THSD7A: variants seen among roughly 807,000 people sequenced by gnomAD.
THSD7A encodes the protein thrombospondin type 1 domain containing 7A.
THSD7A carries 96 observed loss-of-function variants against 231.3 expected under a neutral mutation model. The observed-to-expected ratio is 0.41, with a 90% CI of 0.35 to 0.49. The LOEUF (loss-of-function observed/expected upper bound fraction) is 0.49, where lower values mean the gene tolerates loss of function less well. Ranked by LOEUF, THSD7A falls within the 20% of genes least tolerant of loss-of-function variation. THSD7A has a pLI of 0.05. For missense variants in THSD7A, 2,290 were observed against 2,070.2 expected (o/e 1.11, Z -2.06); for synonymous variants, 940 against 743.3 (o/e 1.26, Z -4.30).
chr7:11,668,412 C>A (rs1212989721), intron 1 of THSD7A, among the ~76,000 whole-genome samples: 2 of 146,342 alleles, frequency 1.4e-5, no homozygotes, highest in Non-Finnish European at 3.0e-5. Flanking sequence ...GAGTGAAACT[C>A]CATCTCAAAA....
intron 1 of THSD7A, among the ~76,000 whole-genome samples, chr7:11,642,064 C>T (rs1380352015): frequency 6.6e-6 from 1 of 152,142 alleles, no homozygotes; most frequent in Non-Finnish European, 1.5e-5. Flanking sequence ...AATTAACTAC[C>T]ATGTTTCAAG....
chr7:11,724,132 T>C (rs972920681), intron 1 of THSD7A, among the ~76,000 whole-genome samples: 4 of 151,968 alleles, frequency 2.6e-5, no homozygotes, highest in Non-Finnish European at 5.9e-5. Context: ...AAAGAATATA[T>C]GTGGGATATT....
intron 4 of THSD7A, among the ~76,000 whole-genome samples, chr7:11,583,810 T>A (rs7785852): frequency 0.25 from 38,742 of 152,020 alleles, 5,079 homozygotes; most frequent in Non-Finnish European, 0.27. Flanking sequence ...TGATATAATT[T>A]CTTATATTAA....
intron 1 of THSD7A, among the ~76,000 whole-genome samples, chr7:11,700,846 C>A (rs1780573374): frequency 6.7e-6 from 1 of 149,020 alleles, no homozygotes; most frequent in South Asian, 2.1e-4. Flanking sequence ...CATGTAATTC[C>A]AGCTTCATAA....
chr7:11,809,321 G>T (rs766145849), intron 1 of THSD7A, among the ~76,000 whole-genome samples: 2 of 152,198 alleles, frequency 1.3e-5, no homozygotes, highest in Non-Finnish European at 2.9e-5. Context: ...GATCACAAGA[G>T]CTTCATAGAG....
chr7:11,816,794 C>A (rs7786342), intron 1 of THSD7A, among the ~76,000 whole-genome samples: 66,040 of 151,848 alleles, frequency 0.43, 15,476 homozygotes, highest in African/African-American at 0.61. Flanking sequence ...CCACATAAAA[C>A]CATATTTTAG....
In THSD7A at chr7:11,543,224, C is replaced by G. The variant is rs1297609101; in HGVS notation, c.1454-107G>C. 9.7e-6 allele frequency: 9 copies of G among 928,718 alleles called. No homozygotes were observed. The East Asian group carries it at 2.3e-4, about 24-fold the overall frequency. The allele number at this position is 928,718 out of a possible 1,614,324, so 57.5% of individuals were successfully genotyped here. ...GAAAAGGAAAATCCTTAAAGAAGTGCTACCAAGACATTATTCCAATGCTTC... is the reference window on the plus strand; with the variant it reads ...GAAAAGGAAAATCCTTAAAGAAGTGGTACCAAGACATTATTCCAATGCTTC... On this transcript the variant is annotated intron_variant, in intron 4 of 27. Transcript: ENST00000423059.
intron 1 of THSD7A, among the ~76,000 whole-genome samples, chr7:11,667,809 G>GA (rs1490495749): frequency 2.6e-5 from 4 of 151,956 alleles, no homozygotes; most frequent in Admixed American, 1.3e-4. Context: ...AAGGAATCTT[G>GA]AAAAAAATCT....
intron 1 of THSD7A, among the ~76,000 whole-genome samples, chr7:11,804,773 G>T (rs539411047): frequency 6.6e-6 from 1 of 152,048 alleles, no homozygotes; most frequent in Non-Finnish European, 1.5e-5. Flanking sequence ...CACTTCCATT[G>T]TTTGCTTAAT....
rs1376282904 is a variant in THSD7A at position 11,661,939 on chromosome 7, T to C, written c.191-24978A>G. 2.6e-5 allele frequency among the ~76,000 whole-genome samples: 4 copies of C among 151,198 alleles called. No homozygotes were observed. The East Asian group carries it at 7.8e-4, about 29-fold the overall frequency. On this transcript the variant is annotated intron_variant, in intron 1 of 27. Coordinates refer to ENST00000423059, the MANE Select transcript of THSD7A (RefSeq NM_015204.3). ...CTAGGATGTGATAGAATTATTAATT[T>C]TGAGTTGACTGTAAGAAGGAAAGCT...
intron 3 of THSD7A, 105 bp downstream of exon 3, chr7:11,593,149 T>A: frequency 7.0e-7 from 1 of 1,432,978 alleles, no homozygotes; most frequent in South Asian, 1.4e-5. Flanking sequence ...TAAAGATATT[T>A]TTTATGTGTA....
chr7:11,823,711 G>A (rs546994849), intron 1 of THSD7A, among the ~76,000 whole-genome samples: 2 of 151,746 alleles, frequency 1.3e-5, no homozygotes, highest in Non-Finnish European at 2.9e-5. Flanking sequence ...TATTTTTGCC[G>A]CTATTGTAAA....
intron 2 of THSD7A, among the ~76,000 whole-genome samples, chr7:11,607,450 T>C (rs897319597): frequency 3.0e-4 from 45 of 152,152 alleles, no homozygotes; most frequent in African/African-American, 1.1e-3. Context: ...AGATCAGTAA[T>C]GCCCCTTTCT....
At chr7:11,558,630 A>G (rs1042023014) in intron 4 of THSD7A, among the ~76,000 whole-genome samples, 1 of 152,216 alleles carries the variant, frequency 6.6e-6, no homozygotes, top group African/African-American at 2.4e-5. Flanking sequence ...AAATTTCTAA[A>G]GAACTTATGT....
At chr7:11,820,815 G>C (rs1489675946) in intron 1 of THSD7A, 6 of 1,016,162 alleles carry the variant, frequency 5.9e-6, no homozygotes, top group Non-Finnish European at 9.3e-6. Context: ...CTCGCTCTCC[G>C]GTGCTTCTTC....
intron 1 of THSD7A, among the ~76,000 whole-genome samples, chr7:11,673,232 C>T (rs1043125404): frequency 7.2e-5 from 11 of 152,074 alleles, no homozygotes; most frequent in African/African-American, 2.7e-4. Context: ...CTCCAGAACA[C>T]CATATTGCTG....
chr7:11,550,116 C>G (rs1789565933), intron 4 of THSD7A, among the ~76,000 whole-genome samples: 1 of 151,966 alleles, frequency 6.6e-6, no homozygotes, highest in Non-Finnish European at 1.5e-5. Context: ...GGCTCCCAGA[C>G]CTGATAAGAC....
intron 1 of THSD7A, among the ~76,000 whole-genome samples, chr7:11,666,177 C>G (rs181067844): frequency 6.6e-6 from 1 of 151,990 alleles, no homozygotes; most frequent in Admixed American, 6.6e-5. Flanking sequence ...ATATAAAATG[C>G]TTGGAGCCGG....
intron 1 of THSD7A, among the ~76,000 whole-genome samples, chr7:11,793,601 A>G (rs1444210281): frequency 6.6e-6 from 1 of 151,834 alleles, no homozygotes; most frequent in Non-Finnish European, 1.5e-5. Context: ...GAAGAAACAT[A>G]TGGCAAAAAG....
Sources: allele counts gnomAD v4.1 joint callset (sites outside exome capture counted in the v4.1 genomes callset), GRCh38; gene constraint gnomAD v4.1.1; transcripts MANE v1.5; gene names NCBI Gene and HGNC (gene_info 2026-07-23, HGNC 2026-07-21).